The following ARL14EP variants were observed in gnomAD, a reference collection of about 807,000 sequenced individuals.
ARL14EP encodes the protein ARF like GTPase 14 effector protein, also known as ARL14 effector protein.
Under a neutral mutation model 23.1 loss-of-function variants are expected in ARL14EP, and 12 were observed. The observed-to-expected ratio is 0.52, with a 90% confidence interval of 0.33 to 0.84. The LOEUF (loss-of-function observed/expected upper bound fraction) is 0.84. Among genes scored for constraint, ARL14EP ranks in the 40% least tolerant of loss-of-function variants. ARL14EP has a pLI of 0.02. For missense variants in ARL14EP, 253 were observed against 307.3 expected (o/e 0.82, Z 1.32); for synonymous variants, 97 against 102.0 (o/e 0.95, Z 0.29).
intron 2 of ARL14EP, 41 bp from the exon 3 acceptor site, chr11:30,332,825 T>C: frequency 6.2e-7 from 1 of 1,606,110 alleles, no homozygotes; most frequent in Non-Finnish European, 8.5e-7. Flanking sequence ...CTGTTGTCTG[T>C]TGTCAAGATT....
At position 30,330,927 on chromosome 11, in the gene ARL14EP, G is replaced by A. The variant is rs780454680; in HGVS notation, c.-22G>A. 6 of 1,356,154 alleles carry A rather than the reference G, an allele frequency of 4.4e-6. No homozygotes were observed. The highest frequency in any genetic ancestry group is 2.2e-5 in the Admixed American group (1 of 45,470). The allele number at this position is 1,356,154 out of a possible 1,614,324, so 84.0% of individuals were successfully genotyped here. ...CCTAAACCTCCAGACAAAATAAAACGGAAAATTTGCTAGAATCAAGAATGA... is the reference window on the plus strand; with the variant it reads ...CCTAAACCTCCAGACAAAATAAAACAGAAAATTTGCTAGAATCAAGAATGA... On this transcript the variant is annotated 5_prime_UTR_variant, in exon 2 of 4. Coordinates refer to ENST00000282032, the MANE Select transcript of ARL14EP (RefSeq NM_152316.3).
intron 1 of ARL14EP, among the ~76,000 whole-genome samples, chr11:30,324,128 T>A (rs796352770): frequency 1.3e-5 from 2 of 152,314 alleles, no homozygotes; most frequent in African/African-American, 4.8e-5. Context: ...TAGGCGTATG[T>A]ACCCATAACT....
intron 1 of ARL14EP, 62 bp from the exon 2 acceptor site, chr11:30,330,824 C>CT: frequency 1.1e-6 from 1 of 888,464 alleles, no homozygotes. Context: ...TTATCAAATG[C>CT]TTTTTCAGTT....
chr11:30,332,991 C>T lies in ARL14EP; in HGVS notation c.552C>T (p.Asp184=). The change falls in exon 3 of 4, where the codon GAC becomes GAT. Residue 184 remains aspartate (D), a splice_region_variant and synonymous_variant. Transcript: ENST00000282032. The part of the protein sequence containing the change: ...RLTKNATAGS[D]RQVIPAKSKV... ...CAAAAAATGCAACCGCTGGTTCAGA[C>T]AGGTAGGCTAAGTGTTACTGAAGAC... The T allele has an allele frequency of 6.2e-7, 1 of 1,612,856 alleles. No homozygotes were observed. The highest frequency in any genetic ancestry group is 8.5e-7 in the Non-Finnish European group (1 of 1,179,296).
chr11:30,331,410 T>A (rs765418162), intron 2 of ARL14EP, 36 bp downstream of exon 2: 1 of 1,613,128 alleles, frequency 6.2e-7, no homozygotes, highest in Non-Finnish European at 8.5e-7. Context: ...ACATTGTGAA[T>A]TCTACCATGT....
intron 3 of ARL14EP, among the ~76,000 whole-genome samples, chr11:30,334,450 G>A (rs1449013240): frequency 1.3e-5 from 2 of 152,030 alleles, no homozygotes; most frequent in East Asian, 2.0e-4. Context: ...TCCTGCCCTC[G>A]TGATCTGCCC....
chr11:30,335,353 A>G (rs1161867967), intron 3 of ARL14EP, among the ~76,000 whole-genome samples: 3 of 152,216 alleles, frequency 2.0e-5, no homozygotes. Context: ...CTTAGATTAT[A>G]TAAACTTAGT....
chr11:30,332,377 A>C (rs1317649994), intron 2 of ARL14EP, among the ~76,000 whole-genome samples: 1 of 151,810 alleles, frequency 6.6e-6, no homozygotes, highest in Non-Finnish European at 1.5e-5. Context: ...TCCTCCCCAA[A>C]TAACAAACAT....
chr11:30,336,927 C>A lies in ARL14EP; in HGVS notation c.*132C>A. ...ATCTCAGTGTGCCCTAATTTTTCATCTTGGGTGCTTTAAGATTCACTATTT... is the reference window on the plus strand; with the variant it reads ...ATCTCAGTGTGCCCTAATTTTTCATATTGGGTGCTTTAAGATTCACTATTT... On this transcript the variant is annotated 3_prime_UTR_variant, in exon 4 of 4. Transcript: ENST00000282032. 1 of 848,540 alleles carries A rather than the reference C, an allele frequency of 1.2e-6. No homozygotes were observed. Among genetic ancestry groups the A allele is most frequent in the Non-Finnish European group, 1.9e-6 (1 of 528,216 alleles). 52.6% of individuals were successfully genotyped at this position (848,540 alleles called of 1,614,324 possible). A position where few individuals can be genotyped will look rare whatever the true frequency, so the allele number is the denominator to read the frequency against.
In ARL14EP at chr11:30,331,243, A is replaced by G; in HGVS notation, c.295A>G (p.Thr99Ala). The G allele has an allele frequency of 6.2e-7, 1 of 1,614,024 alleles. No homozygotes were observed. The highest frequency in any genetic ancestry group is 8.5e-7 in the Non-Finnish European group (1 of 1,179,898). Residue 99 changes from threonine (T) to alanine (A), a missense_variant, in exon 2 of 4, where the codon ACT becomes GCT. Thr to Ala is a moderately conservative substitution (Grantham distance 58, BLOSUM62 0). Coordinates refer to ENST00000282032, the MANE Select transcript of ARL14EP (RefSeq NM_152316.3). ...NLHVIDLDDA[T>A]FLSAKFGRQL... ...GCATGTAATTGACTTAGATGATGCCACTTTTCTGAGTGCTAAATTTGGAAG... is the reference window on the plus strand; with the variant it reads ...GCATGTAATTGACTTAGATGATGCCGCTTTTCTGAGTGCTAAATTTGGAAG...
Position 30,330,975 on chromosome 11 carries a change from C to A in ARL14EP, c.27C>A (p.Val9=). 6.2e-7 allele frequency: 1 copy of A among 1,613,650 alleles called. No individual in the cohort carries two copies. Among genetic ancestry groups the A allele is most frequent in the Non-Finnish European group, 8.5e-7 (1 of 1,179,730 alleles). The part of the protein sequence containing the change: MMDPCSVG[V]QLRTTNECHK... The stretch of plus-strand genomic sequence containing the variant: ...TGATGGATCCATGTTCAGTTGGAGT[C>A]CAGCTTCGTACTACAAATGAGTGCC... Residue 9 remains valine, a synonymous_variant, in exon 2 of 4, where the codon GTC becomes GTA. Coordinates refer to ENST00000282032, the MANE Select transcript of ARL14EP (RefSeq NM_152316.3).
chr11:30,329,796 A>AG (rs1362806744), intron 1 of ARL14EP: 1 of 152,080 alleles, frequency 6.6e-6, no homozygotes, highest in Admixed American at 6.5e-5. Flanking sequence ...TTTGGAAGTG[A>AG]GGAGTTACTC....
At chr11:30,335,011 G>A (rs1300851936) in intron 3 of ARL14EP, among the ~76,000 whole-genome samples, 1 of 152,238 alleles carries the variant, frequency 6.6e-6, no homozygotes, top group Non-Finnish European at 1.5e-5. Flanking sequence ...GCCATAGACA[G>A]TGAGTGATTC....
rs561485893 is a variant in ARL14EP, at chr11:30,332,599, T to C, written c.427-267T>C. ...GTGTTGGCAGCAGCCATTGCAGTTT[T>C]CACAATGCCTTCCTCCTCTGCTCCT... On this transcript the variant is annotated intron_variant, in intron 2 of 3. Coordinates refer to ENST00000282032, the MANE Select transcript of ARL14EP (RefSeq NM_152316.3). Among the ~76,000 whole-genome samples, 7 of 152,292 alleles carry C rather than the reference T, an allele frequency of 4.6e-5. 1 individual carries two copies. The highest frequency in any genetic ancestry group is 1.7e-4 in the African/African-American group (7 of 41,570).
intron 3 of ARL14EP, among the ~76,000 whole-genome samples, chr11:30,335,755 C>CAA (rs148912764): frequency 1.2e-4 from 16 of 137,226 alleles, no homozygotes; most frequent in African/African-American, 4.2e-4. Context: ...ACTGGAAAAG[C>CAA]AAAAAAATAT....
At chr11:30,336,455 G>T in intron 3 of ARL14EP, 112 bp from the exon 4 acceptor site, 2 of 924,772 alleles carry the variant, frequency 2.2e-6, no homozygotes, top group Non-Finnish European at 1.6e-6. Flanking sequence ...AGATGATTTT[G>T]GCATGACCTC....
intron 2 of ARL14EP, chr11:30,331,711 A>G (rs1225730592): frequency 1.8e-6 from 2 of 1,120,004 alleles, no homozygotes; most frequent in African/African-American, 1.6e-5. Context: ...TACACGGGAC[A>G]TGGCAACCAC....
At chr11:30,330,730 T>A in intron 1 of ARL14EP, 156 bp from the exon 2 acceptor site, 1 of 514,674 alleles carries the variant, frequency 1.9e-6, no homozygotes, top group Non-Finnish European at 3.5e-6. Flanking sequence ...AGGGAACGCT[T>A]CTGTTTGATT....
chr11:30,325,216 AG>A (rs142810469), intron 1 of ARL14EP, among the ~76,000 whole-genome samples: 247 of 152,332 alleles, frequency 1.6e-3, no homozygotes, highest in African/African-American at 5.6e-3. Flanking sequence ...TCTGGCTGAG[AG>A]TTGGCCAAAG....
Sources: gnomAD v4.1 joint callset for allele counts (sites outside exome capture counted in the v4.1 genomes callset) on GRCh38, gnomAD v4.1.1 for gene constraint, MANE v1.5 for transcripts, NCBI Gene and HGNC (gene_info 2026-07-23, HGNC 2026-07-21) for gene names.